PRRC2C: variants seen among roughly 807,000 people sequenced by gnomAD.
PRRC2C encodes the protein proline rich coiled-coil 2C, also known as protein PRRC2C.
PRRC2C carries 72 observed loss-of-function variants against 317.2 expected under a neutral mutation model. That is an observed-to-expected ratio of 0.23 (90% CI 0.19 to 0.28). The LOEUF (loss-of-function observed/expected upper bound fraction) is 0.28. PRRC2C is among the 10% of genes least tolerant of loss of function. The pLI, the probability that PRRC2C is intolerant of heterozygous loss-of-function variation, is 1.00. For synonymous variants in PRRC2C, 1,296 were observed against 1,205.9 expected (o/e 1.07, Z -1.55); for missense variants, 3,074 against 3,459.7 (o/e 0.89, Z 2.80).
intron 1 of PRRC2C, among the ~76,000 whole-genome samples, chr1:171,500,844 G>A (rs528739549): frequency 1.3e-5 from 2 of 152,040 alleles, no homozygotes. Flanking sequence ...AAACAAAACT[G>A]TTACAAGGTA....
chr1:171,557,158 T>C (rs1161080551), intron 18 of PRRC2C, 82 bp from the exon 19 acceptor site: 2 of 1,457,164 alleles, frequency 1.4e-6, no homozygotes, highest in East Asian at 2.5e-5. Context: ...GCCAAGTTAG[T>C]GGGAGTTGTT....
At chr1:171,578,071 T>C (rs1195442415) in intron 26 of PRRC2C, among the ~76,000 whole-genome samples, 4 of 151,210 alleles carry the variant, frequency 2.6e-5, no homozygotes, top group East Asian at 3.9e-4. Context: ...GCTGGAATTA[T>C]AGGCATGAGC....
intron 18 of PRRC2C, among the ~76,000 whole-genome samples, chr1:171,555,146 A>G (rs571425857): frequency 6.6e-6 from 1 of 152,258 alleles, no homozygotes; most frequent in East Asian, 1.9e-4. Flanking sequence ...TATTTCTTGG[A>G]GGCTTTGTTC....
At chr1:171,581,143 C>T (rs1648492698) in intron 28 of PRRC2C, among the ~76,000 whole-genome samples, 1 of 152,168 alleles carries the variant, frequency 6.6e-6, no homozygotes, top group South Asian at 2.1e-4. Flanking sequence ...CTTCCCTCCT[C>T]ATTTTACTCT....
chr1:171,552,061 C>T (rs1680352201), intron 18 of PRRC2C, among the ~76,000 whole-genome samples: 1 of 152,134 alleles, frequency 6.6e-6, no homozygotes, highest in African/African-American at 2.4e-5. Context: ...GCAGTATGGC[C>T]GTTTTTACGA....
rs765715737 is a variant in PRRC2C at position 171,557,711 on chromosome 1, G to A, written c.5599G>A (p.Ala1867Thr). ...TGCCTCAGCCTCAATTCCCATTCTTGCTTCAGCCCTAGCATCAACTTCAGC... is the reference window on the plus strand; with the variant it reads ...TGCCTCAGCCTCAATTCCCATTCTTACTTCAGCCCTAGCATCAACTTCAGC... ...ILASASIPIL[A>T]SALASTSAPT... Residue 1867 changes from alanine (A) to threonine (T), a missense_variant, in exon 19 of 35, where the codon GCT (alanine) becomes ACT (threonine). By Grantham distance (58) the Ala-to-Thr change is moderately conservative. This residue lies in a region of PRRC2C where 640 missense variants were observed against 676.1 expected (regional missense o/e 0.95). Coordinates refer to ENST00000647382, the MANE Select transcript of PRRC2C (RefSeq NM_001387844.1). The A allele has an allele frequency of 6.4e-7, 1 of 1,550,814 alleles. No homozygotes were observed. Among genetic ancestry groups the A allele is most frequent in the South Asian group, 1.2e-5 (1 of 84,018 alleles).
At chr1:171,525,718 A>G (rs1674435430) in intron 10 of PRRC2C, among the ~76,000 whole-genome samples, 1 of 152,216 alleles carries the variant, frequency 6.6e-6, no homozygotes, top group African/African-American at 2.4e-5. Context: ...GCATTCATTT[A>G]AGGTAGAAGG....
intron 6 of PRRC2C, among the ~76,000 whole-genome samples, chr1:171,520,708 G>A: frequency 6.6e-6 from 1 of 151,024 alleles, no homozygotes; most frequent in Non-Finnish European, 1.5e-5. Flanking sequence ...ATTCTCCAGA[G>A]TATCCCTCAA....
intron 18 of PRRC2C, among the ~76,000 whole-genome samples, chr1:171,552,582 T>C (rs1680489402): frequency 6.6e-6 from 1 of 152,230 alleles, no homozygotes; most frequent in Non-Finnish European, 1.5e-5. Flanking sequence ...CCATTCAGTG[T>C]GATATTGGCT....
intron 18 of PRRC2C, among the ~76,000 whole-genome samples, chr1:171,556,674 T>C (rs977294241): frequency 1.6e-4 from 25 of 152,254 alleles, no homozygotes; most frequent in African/African-American, 5.8e-4. Context: ...GGAAAGCTAA[T>C]GAACACAAAT....
chr1:171,529,686 C>T (rs1675405298), intron 11 of PRRC2C, among the ~76,000 whole-genome samples: 1 of 152,188 alleles, frequency 6.6e-6, no homozygotes. Flanking sequence ...ACCTTCATCC[C>T]ATATTCTTCT....
intron 1 of PRRC2C, among the ~76,000 whole-genome samples, chr1:171,498,860 G>A (rs899043122): frequency 2.0e-5 from 3 of 152,170 alleles, no homozygotes; most frequent in African/African-American, 7.2e-5. Context: ...TTGCCCAGCA[G>A]TTGCGATCAT....
chr1:171,549,642 A>G (rs1001374985), intron 17 of PRRC2C, among the ~76,000 whole-genome samples: 10 of 152,156 alleles, frequency 6.6e-5, no homozygotes, highest in African/African-American at 2.2e-4. Flanking sequence ...GCTCATTGCA[A>G]CTTCCACCTC....
At chr1:171,570,303 CTTAA>C (rs1684551682) in intron 23 of PRRC2C, among the ~76,000 whole-genome samples, 1 of 152,078 alleles carries the variant, frequency 6.6e-6, no homozygotes, top group African/African-American at 2.4e-5. Context: ...TTTTGTCTTT[CTTAA>C]TTATACTTGA....
chr1:171,586,821 C>T (rs936187425), intron 30 of PRRC2C, among the ~76,000 whole-genome samples, 182 bp from the exon 31 acceptor site: 10 of 150,998 alleles, frequency 6.6e-5, no homozygotes, highest in African/African-American at 2.4e-4. Context: ...CTCTTGACCT[C>T]GTGATCTGCC....
At chr1:171,555,779 C>T (rs190433189) in intron 18 of PRRC2C, among the ~76,000 whole-genome samples, 288 of 152,342 alleles carry the variant, frequency 1.9e-3, no homozygotes, top group African/African-American at 6.7e-3. Context: ...GTATCACCAG[C>T]AGAGGCTGCA....
chr1:171,565,146 C>T (rs1439678014), intron 20 of PRRC2C, among the ~76,000 whole-genome samples: 1 of 152,164 alleles, frequency 6.6e-6, no homozygotes, highest in Non-Finnish European at 1.5e-5. Context: ...AACTGTTCCC[C>T]ATACCTGCTA....
chr1:171,581,629 A>G (rs1400385042), intron 28 of PRRC2C, among the ~76,000 whole-genome samples: 5 of 152,154 alleles, frequency 3.3e-5, no homozygotes, highest in African/African-American at 1.2e-4. Context: ...TTGTTCCTTA[A>G]CCTAATCAGC....
chr1:171,547,646 GTT>G (rs1234305193), intron 17 of PRRC2C, among the ~76,000 whole-genome samples: 1 of 115,070 alleles, frequency 8.7e-6, no homozygotes, highest in Non-Finnish European at 1.7e-5. Context: ...TTTTTTTTTT[GTT>G]TTTTTTTTTT....
Sources: gnomAD v4.1 joint callset for allele counts (sites outside exome capture counted in the v4.1 genomes callset) on GRCh38, gnomAD v4.1.1 for gene constraint, gnomAD v4.1.1 regional missense constraint, MANE v1.5 for transcripts, NCBI Gene and HGNC (gene_info 2026-07-23, HGNC 2026-07-21) for gene names.